Variants in CNBD1 observed in about 807,000 individuals in gnomAD.
CNBD1 encodes the protein cyclic nucleotide binding domain containing 1, also known as cyclic nucleotide-binding domain-containing protein 1.
A neutral mutation model predicts 54.4 loss-of-function variants in CNBD1; 71 were observed. The ratio of observed to expected loss-of-function variants is 1.30; its 90% CI spans 1.08 to 1.59. The LOEUF (loss-of-function observed/expected upper bound fraction) is 1.59, where lower values mean the gene tolerates loss of function less well. Ranked by LOEUF, CNBD1 falls within the 40% of genes most tolerant of loss-of-function variation. CNBD1 has a pLI of 0.00. For missense variants in CNBD1, 659 were observed against 518.0 expected, an observed-to-expected ratio of 1.27 and a Z score of -2.64; for synonymous variants, 182 against 170.7, an observed-to-expected ratio of 1.07 and a Z score of -0.51.
At chr8:86,931,135 G>A (rs1809450249) in intron 3 of CNBD1, among the ~76,000 whole-genome samples, 1 of 152,208 alleles carries the variant, frequency 6.6e-6, no homozygotes, top group African/African-American at 2.4e-5. Context: ...CCTTACAACT[G>A]AGGAGGTGGG....
At chr8:87,005,457 A>G (rs896819235) in intron 4 of CNBD1, among the ~76,000 whole-genome samples, 10 of 152,248 alleles carry the variant, frequency 6.6e-5, no homozygotes, top group African/African-American at 2.4e-4. Flanking sequence ...TATTTCTCCT[A>G]GTTAAAACAC....
intron 4 of CNBD1, among the ~76,000 whole-genome samples, chr8:87,099,767 C>T (rs1401988456): frequency 2.0e-5 from 3 of 152,152 alleles, no homozygotes; most frequent in African/African-American, 7.2e-5. Flanking sequence ...TTGACATAAT[C>T]ATCTTTGAGA....
At chr8:87,015,756 G>A (rs1271935928) in intron 4 of CNBD1, among the ~76,000 whole-genome samples, 1 of 151,866 alleles carries the variant, frequency 6.6e-6, no homozygotes, top group Non-Finnish European at 1.5e-5. Context: ...GAGGCGGGTG[G>A]ATCACTTCAG....
intron 4 of CNBD1, among the ~76,000 whole-genome samples, chr8:87,057,104 C>A (rs1181513727): frequency 2.0e-5 from 3 of 152,148 alleles, no homozygotes; most frequent in Admixed American, 2.0e-4. Context: ...AAGTAGCAAC[C>A]TGCCATGTTG....
At chr8:86,877,647 C>T (rs1808543964) in intron 1 of CNBD1, among the ~76,000 whole-genome samples, 1 of 152,116 alleles carries the variant, frequency 6.6e-6, no homozygotes, top group Non-Finnish European at 1.5e-5. Flanking sequence ...ACACCTAGAA[C>T]ATCTAATCTT....
chr8:87,394,723 T>A (rs1219909889), intron 2 of CNBD1, among the ~76,000 whole-genome samples: 1 of 151,988 alleles, frequency 6.6e-6, no homozygotes, highest in Non-Finnish European at 1.5e-5. Flanking sequence ...AAACATAAAC[T>A]CTTCTTTATT....
chr8:87,055,936 TTCC>T, intron 4 of CNBD1, among the ~76,000 whole-genome samples: 1 of 128,132 alleles, frequency 7.8e-6, no homozygotes, highest in East Asian at 2.2e-4. Flanking sequence ...CCTTCCTTCC[TTCC>T]TTCCTTCCAA....
chr8:87,323,293 T>C (rs1809583000), intron 8 of CNBD1, among the ~76,000 whole-genome samples: 1 of 114,928 alleles, frequency 8.7e-6, no homozygotes, highest in African/African-American at 3.3e-5. Context: ...TGTGGGCTCT[T>C]TTTTGGTTCC....
chr8:87,245,355 C>T (rs767267080), intron 6 of CNBD1, among the ~76,000 whole-genome samples: 50 of 151,894 alleles, frequency 3.3e-4, no homozygotes, highest in Non-Finnish European at 6.3e-4. Flanking sequence ...AGTCTGTTTA[C>T]CAACGCTTTT....
At chr8:86,980,545 A>G (rs981818088) in intron 4 of CNBD1, among the ~76,000 whole-genome samples, 1 of 152,236 alleles carries the variant, frequency 6.6e-6, no homozygotes, top group African/African-American at 2.4e-5. Context: ...TTTTAGAGAT[A>G]AAGTTTATTC....
chr8:87,294,618 G>A (rs1047408272), intron 8 of CNBD1, among the ~76,000 whole-genome samples: 6 of 152,176 alleles, frequency 3.9e-5, no homozygotes, highest in Non-Finnish European at 7.3e-5. Flanking sequence ...ATAGTTTCCA[G>A]AATGACTCAT....
intron 2 of CNBD1, among the ~76,000 whole-genome samples, chr8:87,406,637 G>A (rs902170184): frequency 2.7e-4 from 41 of 151,830 alleles, no homozygotes; most frequent in African/African-American, 8.7e-4. Context: ...GTGCCACCAC[G>A]CCCATCTAAT....
At chr8:86,888,959 C>A (rs927740981) in intron 2 of CNBD1, among the ~76,000 whole-genome samples, 5 of 152,152 alleles carry the variant, frequency 3.3e-5, no homozygotes, top group African/African-American at 1.2e-4. Context: ...CAGCCTTACT[C>A]TTCCTGGATT....
At chr8:87,276,873 G>T (rs1482264720) in intron 6 of CNBD1, among the ~76,000 whole-genome samples, 1 of 151,726 alleles carries the variant, frequency 6.6e-6, no homozygotes, top group Non-Finnish European at 1.5e-5. Context: ...AGGAACCTTA[G>T]AATGCCAGAG....
At chr8:87,413,280 T>C (rs1289443801) in intron 2 of CNBD1, among the ~76,000 whole-genome samples, 1 of 152,120 alleles carries the variant, frequency 6.6e-6, no homozygotes. Flanking sequence ...TAGTGAGTTT[T>C]GGGGTCCCAA....
At chr8:87,400,135 C>T (rs75449153) in intron 2 of CNBD1, among the ~76,000 whole-genome samples, 5,225 of 151,950 alleles carry the variant, frequency 0.034, 281 homozygotes, top group African/African-American at 0.12. Flanking sequence ...GAGCGACTCC[C>T]GAGGATTCTC....
intron 5 of CNBD1, among the ~76,000 whole-genome samples, chr8:87,224,326 G>A (rs1408293335): frequency 6.6e-6 from 1 of 150,512 alleles, no homozygotes; most frequent in Non-Finnish European, 1.5e-5. Context: ...CCATGCCTAT[G>A]TCCTGAATGG....
At chr8:87,346,744 A>G (rs1186755146) in intron 8 of CNBD1, among the ~76,000 whole-genome samples, 1 of 152,214 alleles carries the variant, frequency 6.6e-6, no homozygotes, top group African/African-American at 2.4e-5. Context: ...CTTATTATAT[A>G]GAGAGATTCT....
intron 8 of CNBD1, among the ~76,000 whole-genome samples, chr8:87,313,818 T>A (rs532699041): frequency 6.6e-6 from 1 of 152,078 alleles, no homozygotes; most frequent in African/African-American, 2.4e-5. Context: ...TTACCTACTC[T>A]TTTTACATAA....
Sources: gnomAD v4.1 joint callset for allele counts (sites outside exome capture counted in the v4.1 genomes callset) on GRCh38, gnomAD v4.1.1 for gene constraint, MANE v1.5 for transcripts, NCBI Gene and HGNC (gene_info 2026-07-23, HGNC 2026-07-21) for gene names.